The following NRG1 variants were observed in gnomAD, a reference collection of about 807,000 sequenced individuals.
NRG1 encodes the protein pro-neuregulin-1, membrane-bound isoform.
NRG1 carries 18 observed loss-of-function variants against 63.8 expected under a neutral mutation model. The ratio of observed to expected loss-of-function variants is 0.28; its 90% CI spans 0.19 to 0.42. The LOEUF (loss-of-function observed/expected upper bound fraction) is 0.42, where lower values mean the gene tolerates loss of function less well. Among genes scored for constraint, NRG1 ranks in the 10% least tolerant of loss-of-function variants. The pLI, the probability that NRG1 is intolerant of heterozygous loss-of-function variation, is 1.00. For missense variants in NRG1, 762 were observed against 814.7 expected (o/e 0.94, Z 0.79); for synonymous variants, 302 against 301.3 (o/e 1.00, Z -0.02).
At chr8:31,715,972 A>G (rs1316995995) in intron 1 of NRG1, among the ~76,000 whole-genome samples, 2 of 152,214 alleles carry the variant, frequency 1.3e-5, no homozygotes, top group African/African-American at 4.8e-5. Context: ...TTAATTTTTT[A>G]AGAAAATATG....
chr8:31,894,296 G>A (rs1472895774), intron 1 of NRG1, among the ~76,000 whole-genome samples: 1 of 152,068 alleles, frequency 6.6e-6, no homozygotes, highest in African/African-American at 2.4e-5. Context: ...CTTAATAACG[G>A]TGAAAGTCAA....
chr8:32,516,671 T>C (rs1438697693), intron 1 of NRG1, among the ~76,000 whole-genome samples: 2 of 152,196 alleles, frequency 1.3e-5, no homozygotes, highest in African/African-American at 4.8e-5. Flanking sequence ...TTCCTAGGAA[T>C]TTTAACTTTT....
chr8:32,545,274 T>C (rs1451724736), upstream of NRG1, among the ~76,000 whole-genome samples: 2 of 152,178 alleles, frequency 1.3e-5, no homozygotes. Context: ...TGTCATTTAA[T>C]GTGAGATCTA....
chr8:32,261,863 C>A (rs888644143), intron 1 of NRG1, among the ~76,000 whole-genome samples: 18 of 152,146 alleles, frequency 1.2e-4, no homozygotes, highest in Admixed American at 1.1e-3. Context: ...GCAGAATATT[C>A]TTTCCTTTGC....
At chr8:32,161,036 C>T (rs1838768995) in intron 1 of NRG1, among the ~76,000 whole-genome samples, 2 of 152,164 alleles carry the variant, frequency 1.3e-5, no homozygotes, top group Admixed American at 6.5e-5. Context: ...GCTCACTTTA[C>T]AGGTGGAGAA....
chr8:32,660,772 T>C (rs1016768879), intron 5 of NRG1, among the ~76,000 whole-genome samples: 1 of 152,182 alleles, frequency 6.6e-6, no homozygotes, highest in Admixed American at 6.5e-5. Context: ...GAGGATCAAA[T>C]GAGTTGGTGT....
chr8:32,587,850 C>G (rs1351862946), intron 1 of NRG1, among the ~76,000 whole-genome samples: 1 of 152,042 alleles, frequency 6.6e-6, no homozygotes, highest in Non-Finnish European at 1.5e-5. Flanking sequence ...ACTTGCTGAC[C>G]CTTGTTTGAT....
chr8:32,763,218 A>C (rs1314897966), intron 11 of NRG1: 1 of 1,613,332 alleles, frequency 6.2e-7, no homozygotes, highest in Non-Finnish European at 8.5e-7. Flanking sequence ...TTTTCATAAG[A>C]CATAACCTTA....
At chr8:32,361,440 A>G (rs1228546785) in intron 1 of NRG1, among the ~76,000 whole-genome samples, 2 of 152,090 alleles carry the variant, frequency 1.3e-5, no homozygotes, top group Non-Finnish European at 2.9e-5. Flanking sequence ...TGGGCTGTGC[A>G]ATGTGTGTTT....
At chr8:32,085,970 C>T (rs1003373032) in intron 1 of NRG1, among the ~76,000 whole-genome samples, 1 of 152,170 alleles carries the variant, frequency 6.6e-6, no homozygotes, top group African/African-American at 2.4e-5. Flanking sequence ...CTTAGTCATT[C>T]CATGCACCGT....
At chr8:31,906,073 A>G (rs745910627) in intron 1 of NRG1, among the ~76,000 whole-genome samples, 3 of 152,216 alleles carry the variant, frequency 2.0e-5, no homozygotes, top group Non-Finnish European at 4.4e-5. Context: ...CTCAGTTTCT[A>G]TGGGTCAGGA....
chr8:31,946,859 A>T (rs1802624214), intron 1 of NRG1, among the ~76,000 whole-genome samples: 1 of 152,194 alleles, frequency 6.6e-6, no homozygotes, highest in Admixed American at 6.5e-5. Flanking sequence ...AGAGGATAAG[A>T]TACCTATAAA....
chr8:32,223,180 A>G (rs1197922704), intron 1 of NRG1, among the ~76,000 whole-genome samples: 1 of 152,248 alleles, frequency 6.6e-6, no homozygotes, highest in Non-Finnish European at 1.5e-5. Context: ...CACATTTCCA[A>G]TTACTAGACA....
chr8:32,495,682 C>T (rs185782361), intron 1 of NRG1, among the ~76,000 whole-genome samples: 134 of 152,190 alleles, frequency 8.8e-4, no homozygotes, highest in East Asian at 3.7e-3. Flanking sequence ...AGGCTGGTCT[C>T]GAACCCTGAC....
intron 1 of NRG1, among the ~76,000 whole-genome samples, chr8:32,319,003 C>T (rs1039357981): frequency 5.3e-5 from 8 of 152,102 alleles, no homozygotes; most frequent in Admixed American, 3.3e-4. Flanking sequence ...AGTGACTGTG[C>T]GATGTAAAAA....
At chr8:31,777,843 G>A (rs546756418) in intron 1 of NRG1, among the ~76,000 whole-genome samples, 1 of 152,226 alleles carries the variant, frequency 6.6e-6, no homozygotes, top group South Asian at 2.1e-4. Flanking sequence ...AACTAATAGA[G>A]TGAAAACTCA....
intron 1 of NRG1, among the ~76,000 whole-genome samples, chr8:31,796,075 T>A (rs1247077355): frequency 6.6e-6 from 1 of 152,076 alleles, no homozygotes; most frequent in Admixed American, 6.6e-5. Context: ...GCAAAAAAAA[T>A]TTTGAATAAG....
At chr8:32,464,360 C>T (rs953713026) in intron 1 of NRG1, among the ~76,000 whole-genome samples, 4 of 120,824 alleles carry the variant, frequency 3.3e-5, no homozygotes, top group Admixed American at 1.2e-4. Flanking sequence ...TTTTAAGTAT[C>T]TCGCTCCTAG....
At chr8:32,263,921 G>A (rs1043974411) in intron 1 of NRG1, among the ~76,000 whole-genome samples, 5 of 152,138 alleles carry the variant, frequency 3.3e-5, no homozygotes, top group African/African-American at 9.7e-5. Context: ...GGAGAGCTGA[G>A]GGTATTTAAG....
Sources: gnomAD v4.1 joint callset for allele counts (sites outside exome capture counted in the v4.1 genomes callset) on GRCh38, gnomAD v4.1.1 for gene constraint, MANE v1.5 for transcripts, NCBI Gene and HGNC (gene_info 2026-07-23, HGNC 2026-07-21) for gene names.